The following TG variants were observed in gnomAD, a reference collection of about 807,000 sequenced individuals.
TG encodes the protein thyroid hormones.
TG carries 270 observed loss-of-function variants against 324.7 expected under a neutral mutation model. The ratio of observed to expected loss-of-function variants is 0.83; its 90% CI spans 0.75 to 0.92. The LOEUF (loss-of-function observed/expected upper bound fraction) is 0.92. Among genes scored for constraint, TG ranks in the 40% least tolerant of loss-of-function variants. TG has a pLI of 0.00. For synonymous variants in TG, 1,401 were observed against 1,327.0 expected (o/e 1.06, Z -1.21); for missense variants, 3,591 against 3,456.4 (o/e 1.04, Z -0.98).
intron 5 of TG, among the ~76,000 whole-genome samples, chr8:132,873,563 G>A (rs1259041365): frequency 6.6e-6 from 1 of 152,172 alleles, no homozygotes; most frequent in East Asian, 1.9e-4. Flanking sequence ...CTGAATAAAT[G>A]TGAATCTGCC....
intron 41 of TG, 98 bp downstream of exon 41, chr8:133,030,121 G>A: frequency 6.9e-7 from 1 of 1,448,624 alleles, no homozygotes; most frequent in Non-Finnish European, 9.7e-7. Context: ...CAATTGCTTG[G>A]GTTTCCCTTG....
At chr8:133,035,349 C>A (rs1287573299) in intron 41 of TG, among the ~76,000 whole-genome samples, 1 of 151,808 alleles carries the variant, frequency 6.6e-6, no homozygotes, top group East Asian at 1.9e-4. Flanking sequence ...ATTTGATTTC[C>A]AATTTTATTG....
intron 43 of TG, among the ~76,000 whole-genome samples, chr8:133,107,630 T>A (rs900612844): frequency 9.9e-5 from 15 of 152,198 alleles, no homozygotes; most frequent in Non-Finnish European, 2.2e-4. Flanking sequence ...CACATTCCCT[T>A]GCACCCCAGT....
intron 45 of TG, among the ~76,000 whole-genome samples, chr8:133,120,292 T>C (rs1851038267): frequency 6.6e-6 from 1 of 152,248 alleles, no homozygotes; most frequent in South Asian, 2.1e-4. Flanking sequence ...ATGAGTCTTC[T>C]ACATGAGGGT....
intron 41 of TG, chr8:133,060,280 T>C (rs764431290): frequency 1.3e-6 from 2 of 1,594,154 alleles, no homozygotes; most frequent in Non-Finnish European, 1.7e-6. Context: ...TTAGAGAGCA[T>C]CGTGCATCAT....
At chr8:132,984,086 C>G (rs1831233569) in intron 35 of TG, among the ~76,000 whole-genome samples, 2 of 152,210 alleles carry the variant, frequency 1.3e-5, no homozygotes, top group Admixed American at 1.3e-4. Flanking sequence ...TGCACCGTCC[C>G]CTTTTCTGCT....
intron 16 of TG, among the ~76,000 whole-genome samples, chr8:132,904,607 G>A (rs1818405015): frequency 6.6e-6 from 1 of 152,182 alleles, no homozygotes; most frequent in African/African-American, 2.4e-5. Flanking sequence ...TGGGAAAACA[G>A]GTCTGCTAGG....
In TG at chr8:132,898,234, C is replaced by A; in HGVS notation, c.3205C>A (p.Gln1069Lys). 1.3e-6 allele frequency: 2 copies of A among 1,599,338 alleles called. No individual in the cohort carries two copies. The highest frequency in any genetic ancestry group is 1.3e-5 in the African/African-American group (1 of 74,912). Residue 1069 changes from glutamine to lysine, a missense_variant, in exon 13 of 48, where the codon CAG becomes AAG. Gln to Lys is a moderately conservative substitution (Grantham distance 53). Transcript: ENST00000220616. ...TGGCTCACTGACTGCCCGCTCTCTG[C>A]AGATTCCACAGTGTAAGTGAAGACT... ...IPGSLTARSL[Q>K]IPQCPTTCEK...
At chr8:132,995,972 G>T (rs952539491) in intron 35 of TG, among the ~76,000 whole-genome samples, 3 of 152,194 alleles carry the variant, frequency 2.0e-5, no homozygotes, top group African/African-American at 7.2e-5. Flanking sequence ...ACTTCTGCCT[G>T]CAATGAGAAG....
intron 35 of TG, among the ~76,000 whole-genome samples, chr8:133,006,589 G>T (rs965508060): frequency 6.6e-6 from 1 of 152,188 alleles, no homozygotes; most frequent in African/African-American, 2.4e-5. Flanking sequence ...ATACATGATT[G>T]AAAGAACAAA....
At chr8:133,055,382 C>G (rs1344181660) in intron 41 of TG, among the ~76,000 whole-genome samples, 1 of 134,184 alleles carries the variant, frequency 7.5e-6, no homozygotes, top group Non-Finnish European at 1.5e-5. Flanking sequence ...CACACACACA[C>G]ACACACACAC....
At chr8:133,130,638 G>A (rs1851868084) in intron 45 of TG, among the ~76,000 whole-genome samples, 2 of 152,126 alleles carry the variant, frequency 1.3e-5, no homozygotes, top group African/African-American at 2.4e-5. Context: ...GTCAAGAGAA[G>A]TATTCTCCCC....
At chr8:132,960,965 A>G (rs1247603808) in intron 27 of TG, 43 bp from the exon 28 acceptor site, 3 of 1,594,288 alleles carry the variant, frequency 1.9e-6, no homozygotes, top group Non-Finnish European at 2.6e-6. Context: ...GTACCCAGTG[A>G]CAGCACACTC....
chr8:133,110,128 C>T (rs1361345448), intron 43 of TG, among the ~76,000 whole-genome samples: 2 of 152,166 alleles, frequency 1.3e-5, no homozygotes, highest in African/African-American at 4.8e-5. Context: ...CTGGGGAGAA[C>T]CCACTTTAGT....
At chr8:133,030,355 T>C (rs1836514763) in intron 41 of TG, among the ~76,000 whole-genome samples, 1 of 152,238 alleles carries the variant, frequency 6.6e-6, no homozygotes, top group African/African-American at 2.4e-5. Flanking sequence ...AACTCACTGT[T>C]CGCAATTCTT....
rs76624173 is a variant in TG, at chr8:132,932,972, C to T, written c.4817-589C>T. ...TAACTGTACAAGTTCTGAAGTCTGA[C>T]TACTTAGATTTCAATCCTAGCTCTG... On this transcript the variant is annotated intron_variant, in intron 23 of 47. Transcript: ENST00000220616. Among the ~76,000 whole-genome samples, 448 of 152,310 alleles carry T rather than the reference C, an allele frequency of 2.9e-3. 4 individuals are homozygous for T. Among genetic ancestry groups the T allele is most frequent in the African/African-American group, 0.01 (433 of 41,578 alleles).
At position 132,886,950 on chromosome 8, in the gene TG, A is replaced by G; in HGVS notation, c.1578A>G (p.Leu526=). Residue 526 remains leucine, a synonymous_variant, in exon 9 of 48, where the codon TTA becomes TTG. Transcript: ENST00000220616. ...TGGCCAAGCCACTCTCTGTGGGATTAGATTCAAATTCTTCCACAGGAACCC... is the reference window on the plus strand; with the variant it reads ...TGGCCAAGCCACTCTCTGTGGGATTGGATTCAAATTCTTCCACAGGAACCC... ...EDLAKPLSVG[L]DSNSSTGTPE... The G allele has an allele frequency of 6.2e-7, 1 of 1,614,202 alleles. No individual in the cohort carries two copies. The highest frequency in any genetic ancestry group is 8.5e-7 in the Non-Finnish European group (1 of 1,180,038).
intron 41 of TG, among the ~76,000 whole-genome samples, chr8:133,085,265 C>A (rs1292511550): frequency 1.3e-5 from 2 of 152,138 alleles, no homozygotes; most frequent in Non-Finnish European, 2.9e-5. Context: ...CTATAGAATG[C>A]AAGGCAGAAC....
At chr8:132,895,421 C>T (rs761975331) in intron 11 of TG, among the ~76,000 whole-genome samples, 3 of 152,260 alleles carry the variant, frequency 2.0e-5, no homozygotes, top group South Asian at 2.1e-4. Context: ...CCTAATACCA[C>T]GTGACAATCT....
Sources: gnomAD v4.1 joint callset for allele counts (sites outside exome capture counted in the v4.1 genomes callset) on GRCh38, gnomAD v4.1.1 for gene constraint, MANE v1.5 for transcripts, NCBI Gene and HGNC (gene_info 2026-07-23, HGNC 2026-07-21) for gene names.